The following ZNF438 variants were observed in gnomAD, a reference collection of about 807,000 sequenced individuals.
The protein encoded by ZNF438 is zinc finger protein 438.
ZNF438 carries 25 observed loss-of-function variants against 38.0 expected under a neutral mutation model. That is an observed-to-expected ratio of 0.66 (90% CI 0.48 to 0.92). The LOEUF (loss-of-function observed/expected upper bound fraction) is 0.92. Ranked by LOEUF, ZNF438 falls within the 40% of genes least tolerant of loss-of-function variation. ZNF438 has a pLI of 0.00. For missense variants in ZNF438, 1,007 were observed against 999.6 expected, an observed-to-expected ratio of 1.01 and a Z score of -0.10; for synonymous variants, 372 against 364.1, an observed-to-expected ratio of 1.02 and a Z score of -0.25.
chr10:30,855,485 G>A (rs2034459716), intron 4 of ZNF438, among the ~76,000 whole-genome samples: 1 of 152,208 alleles, frequency 6.6e-6, no homozygotes, highest in African/African-American at 2.4e-5. Context: ...GGATCTATCA[G>A]GAAGTACATA....
chr10:31,000,382 A>T (rs1397990460), intron 1 of ZNF438, among the ~76,000 whole-genome samples: 1 of 152,228 alleles, frequency 6.6e-6, no homozygotes, highest in East Asian at 1.9e-4. Flanking sequence ...ATTGAATCAA[A>T]ATCTACCTTT....
intron 1 of ZNF438, among the ~76,000 whole-genome samples, chr10:30,953,535 C>G (rs1276760925): frequency 1.3e-5 from 2 of 150,934 alleles, no homozygotes; most frequent in Non-Finnish European, 2.9e-5. Flanking sequence ...TGAGATAATA[C>G]TAGCAGTATT....
intron 3 of ZNF438, among the ~76,000 whole-genome samples, chr10:30,877,357 G>T (rs1445606488): frequency 2.0e-5 from 3 of 152,150 alleles, no homozygotes; most frequent in African/African-American, 7.2e-5. Context: ...GCAAAGTTAG[G>T]ATTCTCTGAA....
chr10:30,986,998 T>C (rs2052881773), intron 1 of ZNF438, among the ~76,000 whole-genome samples: 1 of 152,276 alleles, frequency 6.6e-6, no homozygotes, highest in African/African-American at 2.4e-5. Context: ...GAAATAAACT[T>C]GGACTTGGCT....
At chr10:30,988,556 A>G (rs2053114272) in intron 1 of ZNF438, among the ~76,000 whole-genome samples, 1 of 152,116 alleles carries the variant, frequency 6.6e-6, no homozygotes. Flanking sequence ...ATATATTAGT[A>G]CAAATTATAG....
chr10:30,977,713 G>A (rs1358791963), intron 1 of ZNF438, among the ~76,000 whole-genome samples: 3 of 152,098 alleles, frequency 2.0e-5, no homozygotes, highest in Admixed American at 6.6e-5. Flanking sequence ...GGCCCGGCAC[G>A]GTGGCTCACG....
At chr10:30,977,941 C>T (rs1205700606) in intron 1 of ZNF438, among the ~76,000 whole-genome samples, 1 of 150,724 alleles carries the variant, frequency 6.6e-6, no homozygotes, top group Non-Finnish European at 1.5e-5. Context: ...GAGATCGTGC[C>T]ACTACACTCC....
At chr10:30,978,656 G>A (rs999014460) in intron 1 of ZNF438, among the ~76,000 whole-genome samples, 6 of 152,074 alleles carry the variant, frequency 3.9e-5, no homozygotes, top group African/African-American at 1.4e-4. Flanking sequence ...CTTGTCCACT[G>A]TTTGTCACCA....
intron 2 of ZNF438, among the ~76,000 whole-genome samples, chr10:30,931,363 A>G (rs1321454878): frequency 1.3e-5 from 2 of 152,204 alleles, no homozygotes; most frequent in African/African-American, 4.8e-5. Context: ...TACAGAAACA[A>G]TTAAGTTTCC....
chr10:30,893,571 C>A (rs4747740), intron 3 of ZNF438, among the ~76,000 whole-genome samples: 65,125 of 152,038 alleles, frequency 0.43, 14,429 homozygotes, highest in Non-Finnish European at 0.47. Flanking sequence ...AAATGTTTTT[C>A]TTTTTAAAAC....
intron 1 of ZNF438, among the ~76,000 whole-genome samples, chr10:30,967,913 C>A (rs1355187126): frequency 6.6e-6 from 1 of 152,076 alleles, no homozygotes; most frequent in African/African-American, 2.4e-5. Context: ...AGCTCTGTAC[C>A]CCCTCCCACT....
exon 5 of ZNF438, chr10:30,848,821 T>C (rs753297020): frequency 1.2e-6 from 2 of 1,614,220 alleles, no homozygotes; most frequent in South Asian, 2.2e-5. Context: ...TGTTGGTGTG[T>C]GTATTCATGT....
In ZNF438 at chr10:30,845,328, C is replaced by T. The variant is rs779189750; in HGVS notation, c.2120G>A (p.Arg707Lys). 51 of 1,614,076 alleles carry T rather than the reference C, an allele frequency of 3.2e-5. No individual in the cohort carries two copies. The highest frequency in any genetic ancestry group is 4.2e-5 in the Non-Finnish European group (50 of 1,180,048). The change falls in exon 6 of 6, where the codon AGA (arginine) becomes AAA (lysine). Residue 707 changes from arginine (R) to lysine (K), a missense_variant. Coordinates refer to ENST00000413025, the Ensembl canonical transcript of ZNF438. ...GGAATGAACCTTCTCCGGCTTCCCTCTCTCAGGATGCCTTTTCCAGTCGGG... is the reference window on the plus strand; with the variant it reads ...GGAATGAACCTTCTCCGGCTTCCCTTTCTCAGGATGCCTTTTCCAGTCGGG...
chr10:30,948,445 T>C (rs1218192458), intron 1 of ZNF438, among the ~76,000 whole-genome samples: 1 of 151,984 alleles, frequency 6.6e-6, no homozygotes, highest in Non-Finnish European at 1.5e-5. Context: ...GACGATCAAA[T>C]TACTCTGAGC....
At chr10:30,974,920 T>C (rs747721455) in intron 1 of ZNF438, among the ~76,000 whole-genome samples, 5 of 152,158 alleles carry the variant, frequency 3.3e-5, no homozygotes, top group African/African-American at 4.8e-5. Flanking sequence ...CCTCAGCCCA[T>C]GTGCTTTCCA....
At chr10:30,988,274 C>T (rs1481715152) in intron 1 of ZNF438, among the ~76,000 whole-genome samples, 4 of 151,750 alleles carry the variant, frequency 2.6e-5, no homozygotes, top group Non-Finnish European at 5.9e-5. Context: ...ATTTAAAAAT[C>T]ACAATTTATA....
At chr10:30,973,379 A>T (rs938899485) in intron 1 of ZNF438, among the ~76,000 whole-genome samples, 1 of 152,196 alleles carries the variant, frequency 6.6e-6, no homozygotes, top group African/African-American at 2.4e-5. Flanking sequence ...AACTGAATGA[A>T]ACATAATAAA....
chr10:30,902,425 AG>A (rs1253579606), intron 3 of ZNF438, among the ~76,000 whole-genome samples: 1 of 152,226 alleles, frequency 6.6e-6, no homozygotes, highest in Non-Finnish European at 1.5e-5. Flanking sequence ...CTAGATACAG[AG>A]TGCCAATTGG....
upstream of ZNF438, among the ~76,000 whole-genome samples, chr10:31,032,221 C>T (rs896886329): frequency 3.3e-5 from 5 of 152,214 alleles, no homozygotes; most frequent in Non-Finnish European, 7.3e-5. Context: ...GAGTAAGACG[C>T]CTGGGTTGTG....
Sources: gnomAD v4.1 joint callset for allele counts (sites outside exome capture counted in the v4.1 genomes callset) on GRCh38, gnomAD v4.1.1 for gene constraint, MANE v1.5 for transcripts, NCBI Gene and HGNC (gene_info 2026-07-23, HGNC 2026-07-21) for gene names.